Variants in ODAD2 observed in about 807,000 individuals in gnomAD.
ODAD2 encodes outer dynein arm docking complex subunit 2, also known as outer dynein arm-docking complex subunit 2.
A neutral mutation model predicts 106.8 loss-of-function variants in ODAD2; 89 were observed. The ratio of observed to expected loss-of-function variants is 0.83; its 90% CI spans 0.70 to 0.99. The LOEUF is 0.99. Among genes scored for constraint, ODAD2 ranks in the 50% least tolerant of loss-of-function variants. The pLI is 0.00. For synonymous variants in ODAD2, 404 were observed against 436.2 expected (o/e 0.93, Z 0.92); for missense variants, 1,168 against 1,238.5 (o/e 0.94, Z 0.85).
At chr10:27,878,639 T>A (rs1841505109) in intron 17 of ODAD2, among the ~76,000 whole-genome samples, 1 of 152,110 alleles carries the variant, frequency 6.6e-6, no homozygotes, top group Non-Finnish European at 1.5e-5. Context: ...GCACATCACA[T>A]ACAAACTTTT....
intron 19 of ODAD2, among the ~76,000 whole-genome samples, chr10:27,818,598 C>G (rs113570584): frequency 6.6e-6 from 1 of 152,126 alleles, no homozygotes. Flanking sequence ...GATTTCCATA[C>G]GCAAATGAGA....
chr10:27,947,587 T>G (rs1847026121), intron 10 of ODAD2, among the ~76,000 whole-genome samples: 1 of 152,164 alleles, frequency 6.6e-6, no homozygotes, highest in African/African-American at 2.4e-5. Flanking sequence ...TAAAGCTCTT[T>G]TTTTCTCTGA....
chr10:27,849,053 T>G (rs56351836), intron 19 of ODAD2, among the ~76,000 whole-genome samples: 2,803 of 152,316 alleles, frequency 0.018, 100 homozygotes, highest in African/African-American at 0.063. Context: ...CATTACTGGG[T>G]ATATACCCAA....
chr10:27,925,156 C>A (rs1845169617), intron 16 of ODAD2, among the ~76,000 whole-genome samples: 1 of 152,004 alleles, frequency 6.6e-6, no homozygotes, highest in South Asian at 2.1e-4. Flanking sequence ...AGTCCTACCT[C>A]ACATTAAGAA....
chr10:27,819,739 T>G (rs1389125150), intron 19 of ODAD2, among the ~76,000 whole-genome samples: 2 of 151,318 alleles, frequency 1.3e-5, no homozygotes, highest in Admixed American at 6.6e-5. Context: ...TGCTGTGACC[T>G]CAAAACCCAT....
chr10:27,990,232 C>T (rs1200291031), intron 2 of ODAD2, among the ~76,000 whole-genome samples: 4 of 152,096 alleles, frequency 2.6e-5, no homozygotes, highest in South Asian at 2.1e-4. Flanking sequence ...TCTGCAGCCT[C>T]GAACTCCTGG....
chr10:27,908,508 A>G (rs899827278), intron 16 of ODAD2, among the ~76,000 whole-genome samples: 2 of 152,208 alleles, frequency 1.3e-5, no homozygotes, highest in African/African-American at 2.4e-5. Flanking sequence ...AGCGGAGAAG[A>G]AGGCCAAACA....
intron 9 of ODAD2, among the ~76,000 whole-genome samples, chr10:27,962,425 TG>T (rs1349451233): frequency 1.3e-5 from 2 of 152,312 alleles, no homozygotes; most frequent in East Asian, 3.9e-4. Flanking sequence ...TAAGTTCAAC[TG>T]GGCAGTGCCA....
intron 16 of ODAD2, among the ~76,000 whole-genome samples, chr10:27,929,623 G>C (rs1845475143): frequency 6.6e-6 from 1 of 152,156 alleles, no homozygotes; most frequent in Admixed American, 6.5e-5. Context: ...GGGAGAGCTA[G>C]AGAGTACTAC....
intron 19 of ODAD2, among the ~76,000 whole-genome samples, chr10:27,827,077 T>C (rs896988320): frequency 3.3e-5 from 5 of 152,200 alleles, no homozygotes; most frequent in Non-Finnish European, 7.3e-5. Context: ...ACTTGTCCCA[T>C]TGGTCATGCT....
At chr10:27,862,693 A>C in intron 17 of ODAD2, 71 bp from the exon 18 acceptor site, 2 of 1,170,398 alleles carry the variant, frequency 1.7e-6, no homozygotes, top group Non-Finnish European at 2.4e-6. Context: ...AGAGGCAGAA[A>C]GTAACAATAC....
intron 16 of ODAD2, among the ~76,000 whole-genome samples, chr10:27,931,440 T>G (rs759122014): frequency 6.6e-6 from 1 of 152,094 alleles, no homozygotes; most frequent in Non-Finnish European, 1.5e-5. Context: ...GTTTACTGCC[T>G]TCTCATCATC....
intron 17 of ODAD2, among the ~76,000 whole-genome samples, chr10:27,901,080 AC>A (rs1843168206): frequency 6.6e-6 from 1 of 152,210 alleles, no homozygotes; most frequent in African/African-American, 2.4e-5. Context: ...TGGGTTACCC[AC>A]AAAGGGAAGC....
rs893392394 is a variant in ODAD2, at chr10:27,984,156, A to G, written c.682+28T>C. The G allele has an allele frequency of 2.6e-6, 4 of 1,558,432 alleles. No individual in the cohort carries two copies. In the African/African-American group the frequency reaches 4.1e-5, roughly 16 times the overall value. ...ATGTAATTATGAAAATGTAAATAAC[A>G]TAAAATGAGCCTGAGAAAACATCAA... On this transcript the variant is annotated intron_variant, in intron 5 of 19. Transcript: ENST00000305242.
chr10:27,952,089 A>AAAAAAAAAAAAAAAAAAAAAAC (rs1199383234), intron 10 of ODAD2, among the ~76,000 whole-genome samples: 1 of 150,308 alleles, frequency 6.7e-6, no homozygotes, highest in Non-Finnish European at 1.5e-5. Context: ...AAAAAAAAAA[A>AAAAAAAAAAAAAAAAAAAAAAC]AAAGACACAC....
intron 2 of ODAD2, among the ~76,000 whole-genome samples, chr10:27,988,938 T>C (rs1418057575): frequency 2.0e-5 from 3 of 152,042 alleles, no homozygotes; most frequent in South Asian, 2.1e-4. Context: ...AGGGTTCTTA[T>C]AAGAGGAAGA....
At chr10:27,988,429 C>T (rs771272872) in intron 2 of ODAD2, among the ~76,000 whole-genome samples, 5 of 150,710 alleles carry the variant, frequency 3.3e-5, no homozygotes, top group Non-Finnish European at 1.5e-5. Context: ...CCTCTGCCTC[C>T]GGAGCTCAAG....
intron 19 of ODAD2, among the ~76,000 whole-genome samples, chr10:27,833,855 C>T (rs1036874260): frequency 3.3e-5 from 5 of 152,316 alleles, no homozygotes; most frequent in Admixed American, 3.3e-4. Context: ...GGTAAAGGTA[C>T]ACCTCCCTGA....
Position 27,860,705 on chromosome 10 carries a change from G to A in ODAD2, c.2941C>T (p.Arg981Trp), listed in dbSNP as rs143072735. The change falls in exon 19 of 20, where the codon CGG becomes TGG. Residue 981 changes from arginine to tryptophan, a missense_variant. By Grantham distance (101) the Arg-to-Trp change is moderately radical. Around this residue, in one of 3 missense-constraint regions of ODAD2, gnomAD observed 701 missense variants for 712.3 expected, o/e 0.98. Coordinates refer to ENST00000305242, the MANE Select transcript of ODAD2 (RefSeq NM_018076.5). Reference sequence around the variant, plus strand: ...TGGTACAAGGCCTGAGCTGTCGCCCGATGCACGTTGGTGTCATTTGATTTC... The same window carrying A: ...TGGTACAAGGCCTGAGCTGTCGCCCAATGCACGTTGGTGTCATTTGATTTC... ...YLKSNDTNVH[R>W]ATAQALYQLS... 7.0e-5 allele frequency: 113 copies of A among 1,614,040 alleles called. No individual in the cohort carries two copies. Among genetic ancestry groups the A allele is most frequent in the East Asian group, 1.1e-4 (5 of 44,884 alleles).
Sources: allele counts gnomAD v4.1 joint callset (sites outside exome capture counted in the v4.1 genomes callset), GRCh38; gene constraint gnomAD v4.1.1; regional missense constraint gnomAD v4.1.1; transcripts MANE v1.5; gene names NCBI Gene and HGNC (gene_info 2026-07-23, HGNC 2026-07-21).